Variants in LTBP1 observed in about 807,000 individuals in gnomAD.
LTBP1 encodes the protein latent transforming growth factor beta binding protein 1.
Under a neutral mutation model 207.6 loss-of-function variants are expected in LTBP1, and 129 were observed. The ratio of observed to expected loss-of-function variants is 0.62; its 90% CI spans 0.54 to 0.72. The LOEUF is 0.72. LTBP1 is among the 30% of genes least tolerant of loss of function. The pLI is 0.00. For missense variants in LTBP1, 2,281 were observed against 2,217.2 expected (o/e 1.03, Z -0.58); for synonymous variants, 963 against 833.7 (o/e 1.16, Z -2.67).
At chr2:33,249,520 C>A (rs1371276887) in intron 10 of LTBP1, among the ~76,000 whole-genome samples, 1 of 152,088 alleles carries the variant, frequency 6.6e-6, no homozygotes, top group Admixed American at 6.6e-5. Context: ...AGTATCTTAG[C>A]TTTTTACTCT....
intron 25 of LTBP1, among the ~76,000 whole-genome samples, chr2:33,343,312 G>A (rs1479464949): frequency 5.3e-5 from 8 of 151,430 alleles, no homozygotes; most frequent in Admixed American, 1.3e-4. Flanking sequence ...TTGGGAGGCC[G>A]AGGTGGGAGG....
chr2:33,352,590 G>A (rs551527150), intron 26 of LTBP1, among the ~76,000 whole-genome samples: 1 of 152,160 alleles, frequency 6.6e-6, no homozygotes, highest in South Asian at 2.1e-4. Flanking sequence ...CTACTTCCCT[G>A]GGTCAGTCTT....
intron 4 of LTBP1, among the ~76,000 whole-genome samples, chr2:33,122,029 G>GC (rs1278192140): frequency 1.4e-5 from 2 of 145,006 alleles, no homozygotes; most frequent in East Asian, 4.0e-4. Context: ...CCCCCACCCT[G>GC]CCCCCCTCCA....
intron 2 of LTBP1, among the ~76,000 whole-genome samples, chr2:32,993,153 C>A (rs219160): frequency 0.26 from 39,978 of 151,832 alleles, 6,510 homozygotes; most frequent in Non-Finnish European, 0.38. Flanking sequence ...GGGTCAGGAT[C>A]CAAACGGTGT....
At chr2:33,393,771 T>C (rs1206487339) in intron 32 of LTBP1, among the ~76,000 whole-genome samples, 1 of 152,228 alleles carries the variant, frequency 6.6e-6, no homozygotes, top group Non-Finnish European at 1.5e-5. Flanking sequence ...TGTGTCTTTA[T>C]AGCAGCATGA....
intron 2 of LTBP1, among the ~76,000 whole-genome samples, chr2:32,977,573 G>A (rs1289133844): frequency 1.3e-5 from 2 of 152,210 alleles, no homozygotes; most frequent in African/African-American, 2.4e-5. Flanking sequence ...GGACTTGAGA[G>A]TTGCCTCTGG....
At chr2:33,358,801 A>T (rs767491695) in intron 26 of LTBP1, among the ~76,000 whole-genome samples, 1 of 152,192 alleles carries the variant, frequency 6.6e-6, no homozygotes, top group African/African-American at 2.4e-5. Context: ...TGAGGGAGAG[A>T]TTCTAAAATT....
chr2:33,039,150 T>C (rs1390940352), intron 3 of LTBP1, among the ~76,000 whole-genome samples: 1 of 152,248 alleles, frequency 6.6e-6, no homozygotes, highest in Non-Finnish European at 1.5e-5. Flanking sequence ...TTGTGTGTTA[T>C]AATCCCACTC....
At chr2:33,004,071 T>C (rs557513808) in intron 2 of LTBP1, among the ~76,000 whole-genome samples, 1 of 151,328 alleles carries the variant, frequency 6.6e-6, no homozygotes, top group East Asian at 2.0e-4. Flanking sequence ...TGGATTCCCA[T>C]TGCAATGCCC....
chr2:33,172,201 A>T (rs2085523247), intron 5 of LTBP1, among the ~76,000 whole-genome samples: 1 of 152,232 alleles, frequency 6.6e-6, no homozygotes. Flanking sequence ...CAAGTAAAAG[A>T]CACAGACTGG....
intron 2 of LTBP1, among the ~76,000 whole-genome samples, chr2:32,959,827 G>A (rs936836051): frequency 6.6e-6 from 1 of 150,966 alleles, no homozygotes; most frequent in Admixed American, 6.6e-5. Context: ...CACCACTTTG[G>A]CCAGGCTGGT....
intron 2 of LTBP1, among the ~76,000 whole-genome samples, chr2:32,973,589 A>G (rs1681259849): frequency 6.6e-6 from 1 of 152,146 alleles, no homozygotes; most frequent in African/African-American, 2.4e-5. Flanking sequence ...CTGCGTTACA[A>G]ACAATCTTAA....
intron 2 of LTBP1, among the ~76,000 whole-genome samples, chr2:32,971,679 G>A (rs114000722): frequency 6.6e-6 from 1 of 152,128 alleles, no homozygotes; most frequent in African/African-American, 2.4e-5. Context: ...TTGATGTGCT[G>A]CTGGATTTAG....
chr2:33,199,959 C>T (rs2149061140), intron 7 of LTBP1, among the ~76,000 whole-genome samples: 1 of 152,210 alleles, frequency 6.6e-6, no homozygotes, highest in South Asian at 2.1e-4. Context: ...CAAACCACTG[C>T]TCAATGAAAT....
intron 3 of LTBP1, among the ~76,000 whole-genome samples, chr2:33,027,357 T>C (rs1252286182): frequency 6.6e-6 from 1 of 152,214 alleles, no homozygotes; most frequent in East Asian, 1.9e-4. Flanking sequence ...TTTTGGTTTG[T>C]GGTGAGAATG....
intron 33 of LTBP1, among the ~76,000 whole-genome samples, chr2:33,397,797 C>T (rs2095373414): frequency 6.6e-6 from 1 of 151,676 alleles, no homozygotes; most frequent in Non-Finnish European, 1.5e-5. Flanking sequence ...GCTGGGATTA[C>T]AGGCGTGAGC....
chr2:33,266,007 G>A (rs2093165838), intron 15 of LTBP1, among the ~76,000 whole-genome samples: 1 of 152,154 alleles, frequency 6.6e-6, no homozygotes, highest in African/African-American at 2.4e-5. Flanking sequence ...CAGGAGCCTC[G>A]CCCTTCAGGG....
At chr2:33,007,447 C>G (rs1421009259) in intron 2 of LTBP1, among the ~76,000 whole-genome samples, 1 of 152,200 alleles carries the variant, frequency 6.6e-6, no homozygotes, top group African/African-American at 2.4e-5. Context: ...TTCATTGTAG[C>G]TTTTACTCAG....
At chr2:33,275,699 AT>A (rs1433071445) in intron 17 of LTBP1, 101 bp from the exon 18 acceptor site, 4 of 1,453,240 alleles carry the variant, frequency 2.8e-6, no homozygotes, top group Non-Finnish European at 3.8e-6. Flanking sequence ...AAAAAAAGAA[AT>A]CAGTTACTTC....
Sources: allele counts gnomAD v4.1 joint callset (sites outside exome capture counted in the v4.1 genomes callset), GRCh38; gene constraint gnomAD v4.1.1; transcripts MANE v1.5; gene names NCBI Gene and HGNC (gene_info 2026-07-23, HGNC 2026-07-21).